TBC1D19: variants seen among roughly 807,000 people sequenced by gnomAD.
TBC1D19 encodes TBC1 domain family, member 19.
Under a neutral mutation model 89.0 loss-of-function variants are expected in TBC1D19, and 60 were observed. That is an observed-to-expected ratio of 0.67 (90% CI 0.55 to 0.84). The LOEUF (loss-of-function observed/expected upper bound fraction) is 0.84. TBC1D19 is among the 40% of genes least tolerant of loss of function. The probability of loss-of-function intolerance (pLI) is 0.00; values close to 1 mark genes in which losing one functional copy is unlikely to be tolerated. For synonymous variants in TBC1D19, 189 were observed against 199.7 expected (o/e 0.95, Z 0.45); for missense variants, 500 against 610.8 (o/e 0.82, Z 1.91).
At chr4:26,820,649 A>G in the TBC1D19 span, among the ~76,000 whole-genome samples, 1 of 152,220 alleles carries the variant, frequency 6.6e-6, no homozygotes, top group African/African-American at 2.4e-5. Flanking sequence ...GGTAGTGCAG[A>G]TATCTCTTTG....
intron 3 of TBC1D19, among the ~76,000 whole-genome samples, chr4:26,615,767 C>G (rs1346548934): frequency 6.6e-6 from 1 of 152,084 alleles, no homozygotes; most frequent in African/African-American, 2.4e-5. Context: ...TGTGACCATA[C>G]CTTTAGCAGT....
At chr4:26,732,950 T>C (rs932766534) in intron 15 of TBC1D19, among the ~76,000 whole-genome samples, 2 of 152,196 alleles carry the variant, frequency 1.3e-5, no homozygotes, top group Non-Finnish European at 2.9e-5. Context: ...AAGTCTACAA[T>C]TCAGTGTTAA....
intron 7 of TBC1D19, among the ~76,000 whole-genome samples, chr4:26,643,102 AC>A (rs772755696): frequency 2.0e-5 from 3 of 152,090 alleles, no homozygotes; most frequent in Non-Finnish European, 4.4e-5. Flanking sequence ...AGAACCCTCC[AC>A]CCCAAATCAA....
chr4:26,578,712 C>A (rs1442022339), intron 1 of TBC1D19, among the ~76,000 whole-genome samples: 1 of 152,054 alleles, frequency 6.6e-6, no homozygotes, highest in Non-Finnish European at 1.5e-5. Flanking sequence ...TTAGCTGAAA[C>A]CTAGAGGAAG....
chr4:26,730,173 C>T (rs1369514668), intron 15 of TBC1D19, among the ~76,000 whole-genome samples: 1 of 152,048 alleles, frequency 6.6e-6, no homozygotes, highest in Non-Finnish European at 1.5e-5. Flanking sequence ...GGTAGACTCC[C>T]TACAGATGCA....
chr4:26,579,289 T>C (rs1739025491), upstream of TBC1D19, among the ~76,000 whole-genome samples: 1 of 152,204 alleles, frequency 6.6e-6, no homozygotes, highest in Non-Finnish European at 1.5e-5. Flanking sequence ...TTCTACTCCT[T>C]CATCTCTCTC....
At chr4:26,624,155 T>A (rs1177314530) in intron 4 of TBC1D19, among the ~76,000 whole-genome samples, 2 of 152,140 alleles carry the variant, frequency 1.3e-5, no homozygotes, top group African/African-American at 4.8e-5. Flanking sequence ...CCCTCTTGCA[T>A]CATTAACACT....
At chr4:26,654,512 A>T (rs113162097) in intron 7 of TBC1D19, among the ~76,000 whole-genome samples, 2,945 of 152,322 alleles carry the variant, frequency 0.019, 103 homozygotes, top group African/African-American at 0.068. Context: ...CAGGTACACC[A>T]GTCAGACACA....
chr4:26,587,223 A>G (rs1362242761), intron 1 of TBC1D19, among the ~76,000 whole-genome samples: 2 of 152,004 alleles, frequency 1.3e-5, no homozygotes, highest in African/African-American at 4.8e-5. Flanking sequence ...TTCTTTTTAT[A>G]TATTTCTTGA....
the TBC1D19 span, among the ~76,000 whole-genome samples, chr4:26,763,118 A>T: frequency 5.9e-5 from 9 of 152,222 alleles, no homozygotes; most frequent in African/African-American, 2.4e-5. Context: ...TTTATAAAAT[A>T]GGTGATTCTG....
Position 26,613,185 on chromosome 4 carries a change from C to A in TBC1D19, c.116C>A (p.Pro39His). Reference sequence around the variant, plus strand: ...TATTCTTAGGCCAGTCTTCAGAGACCTGAGATTAAACTTGAATCACTGAAA... The same window carrying A: ...TATTCTTAGGCCAGTCTTCAGAGACATGAGATTAAACTTGAATCACTGAAA... ...ERQAWASLQR[P>H]EIKLESLKED... is the part of the protein sequence containing the mutation. The change falls in exon 2 of 21, where the codon CCT (proline) becomes CAT (histidine). Residue 39 changes from proline to histidine, a missense_variant. By Grantham distance (77) the Pro-to-His change is moderately conservative (BLOSUM62 -2). This residue lies in a region of TBC1D19 where 280 missense variants were observed against 291.7 expected (regional missense o/e 0.96). Transcript: ENST00000264866. 1 of 1,570,914 alleles carries A rather than the reference C, an allele frequency of 6.4e-7. No individual in the cohort carries two copies. Among genetic ancestry groups the A allele is most frequent in the East Asian group, 2.3e-5 (1 of 43,502 alleles).
chr4:26,640,933 G>GGCCT, intron 7 of TBC1D19, among the ~76,000 whole-genome samples: 1 of 152,326 alleles, frequency 6.6e-6, no homozygotes, highest in South Asian at 2.1e-4. Flanking sequence ...AGCTCAACGA[G>GGCCT]GCCTGCCTGC....
intron 4 of TBC1D19, among the ~76,000 whole-genome samples, chr4:26,631,148 A>G (rs2110060754): frequency 6.6e-6 from 1 of 152,216 alleles, no homozygotes; most frequent in South Asian, 2.1e-4. Context: ...GAGGATAGAC[A>G]TGGCCAGCAA....
chr4:26,795,476 CT>C, the TBC1D19 span, among the ~76,000 whole-genome samples: 2 of 152,176 alleles, frequency 1.3e-5, no homozygotes, highest in African/African-American at 4.8e-5. Context: ...TGTGAGGGAC[CT>C]TTTTGCCTGT....
chr4:26,748,640 C>T (rs1401727877), intron 19 of TBC1D19, 114 bp downstream of exon 19: 1 of 770,498 alleles, frequency 1.3e-6, no homozygotes, highest in East Asian at 2.6e-5. Context: ...AATTCATGAA[C>T]AATTAATAGA....
chr4:26,678,926 A>G (rs909721151), intron 11 of TBC1D19, among the ~76,000 whole-genome samples: 5 of 152,100 alleles, frequency 3.3e-5, no homozygotes, highest in Non-Finnish European at 7.4e-5. Flanking sequence ...TTTTCATTTC[A>G]CACTTTGCAC....
chr4:26,701,145 C>T (rs1277806018), intron 13 of TBC1D19, among the ~76,000 whole-genome samples: 1 of 152,150 alleles, frequency 6.6e-6, no homozygotes, highest in Non-Finnish European at 1.5e-5. Flanking sequence ...GTTACCCTCC[C>T]CTCTTCACCT....
At chr4:26,836,374 C>A in the TBC1D19 span, among the ~76,000 whole-genome samples, 1 of 152,206 alleles carries the variant, frequency 6.6e-6, no homozygotes, top group South Asian at 2.1e-4. Context: ...GACCCATGGA[C>A]AAAATTGAGA....
chr4:26,655,957 C>A (rs906042777), intron 7 of TBC1D19, among the ~76,000 whole-genome samples: 3 of 152,140 alleles, frequency 2.0e-5, no homozygotes, highest in African/African-American at 4.8e-5. Flanking sequence ...TCGTCTTCTG[C>A]GTCGCTCACG....
Sources: allele counts gnomAD v4.1 joint callset (sites outside exome capture counted in the v4.1 genomes callset), GRCh38; gene constraint gnomAD v4.1.1; regional missense constraint gnomAD v4.1.1; transcripts MANE v1.5; gene names NCBI Gene and HGNC (gene_info 2026-07-23, HGNC 2026-07-21).